Variants in ZFHX4 observed in about 807,000 individuals in gnomAD.
ZFHX4 encodes zinc finger homeobox protein 4.
Under a neutral mutation model 267.6 loss-of-function variants are expected in ZFHX4, and 56 were observed. That is an observed-to-expected ratio of 0.21 (90% CI 0.17 to 0.26). The LOEUF (loss-of-function observed/expected upper bound fraction) is 0.26, where lower values mean the gene tolerates loss of function less well. ZFHX4 is among the 10% of genes least tolerant of loss of function. The pLI, the probability that ZFHX4 is intolerant of heterozygous loss-of-function variation, is 1.00. For missense variants in ZFHX4, 4,332 were observed against 4,420.0 expected (o/e 0.98, Z 0.56); for synonymous variants, 1,778 against 1,665.6 (o/e 1.07, Z -1.64).
intron 3 of ZFHX4, among the ~76,000 whole-genome samples, chr8:76,718,899 A>C (rs1241248063): frequency 6.6e-6 from 1 of 151,062 alleles, no homozygotes; most frequent in Non-Finnish European, 1.5e-5. Flanking sequence ...ATGTGTTGGC[A>C]AATCATTGAT....
chr8:76,761,541 A>T (rs1276855892), intron 3 of ZFHX4, among the ~76,000 whole-genome samples: 1 of 152,144 alleles, frequency 6.6e-6, no homozygotes, highest in Non-Finnish European at 1.5e-5. Flanking sequence ...ATATTGATTT[A>T]TATACATTCT....
At chr8:76,716,434 T>C (rs1563480770) in intron 3 of ZFHX4, among the ~76,000 whole-genome samples, 1 of 152,204 alleles carries the variant, frequency 6.6e-6, no homozygotes, top group Non-Finnish European at 1.5e-5. Flanking sequence ...TATTATACTC[T>C]GACATATGAG....
chr8:76,736,968 A>G (rs1404881226), intron 3 of ZFHX4, among the ~76,000 whole-genome samples: 2 of 152,164 alleles, frequency 1.3e-5, no homozygotes, highest in African/African-American at 4.8e-5. Flanking sequence ...CACTACAAAC[A>G]TGAGCATTTA....
chr8:76,724,882 T>G (rs1808812671), intron 3 of ZFHX4, among the ~76,000 whole-genome samples: 1 of 152,072 alleles, frequency 6.6e-6, no homozygotes, highest in Non-Finnish European at 1.5e-5. Flanking sequence ...ATTCTTCAGT[T>G]TTTCATTTCC....
At chr8:76,686,225 T>A (rs1435966938) in intron 1 of ZFHX4, among the ~76,000 whole-genome samples, 1 of 152,288 alleles carries the variant, frequency 6.6e-6, no homozygotes, top group East Asian at 1.9e-4. Context: ...CTTAATTTAG[T>A]CTGTTAAAAG....
chr8:76,694,088 C>T (rs1807892826), intron 1 of ZFHX4, among the ~76,000 whole-genome samples: 1 of 152,160 alleles, frequency 6.6e-6, no homozygotes, highest in Non-Finnish European at 1.5e-5. Context: ...TTGGCTGTGG[C>T]TCCTCAGATG....
intron 3 of ZFHX4, 69 bp from the exon 4 acceptor site, chr8:76,778,139 G>A: frequency 1.0e-6 from 1 of 980,852 alleles, no homozygotes; most frequent in Non-Finnish European, 1.6e-6. Context: ...GCCATGGGTG[G>A]GTGTCACCTG....
At chr8:76,690,155 T>A (rs112761969) in intron 1 of ZFHX4, among the ~76,000 whole-genome samples, 1 of 152,162 alleles carries the variant, frequency 6.6e-6, no homozygotes, top group East Asian at 1.9e-4. Context: ...AAAGACAACA[T>A]TTATAGGTTT....
rs1250024172 is a variant in ZFHX4, at chr8:76,850,292, A to C, written c.3894A>C (p.Ala1298=). Residue 1298 remains alanine (A), a synonymous_variant, in exon 9 of 11, where the codon GCA becomes GCC. Coordinates refer to ENST00000651372, the MANE Select transcript of ZFHX4 (RefSeq NM_024721.5). ...VMMPNSMLLP[A]AASEKSERDT... Reference sequence around the variant, plus strand: ...TGCCAAACAGTATGCTACTGCCAGCAGCTGCCTCTGAGAAATCAGAGCGGG... The same window carrying C: ...TGCCAAACAGTATGCTACTGCCAGCCGCTGCCTCTGAGAAATCAGAGCGGG... 1.2e-6 allele frequency: 2 copies of C among 1,613,276 alleles called. No individual in the cohort carries two copies. Among genetic ancestry groups the C allele is most frequent in the African/African-American group, 2.7e-5 (2 of 74,902 alleles).
rs371328827 is a variant in ZFHX4 at position 76,852,852 on chromosome 8, G to A, written c.5931G>A (p.Ala1977=). 16 of 1,613,550 alleles carry A rather than the reference G, an allele frequency of 9.9e-6. No homozygotes were observed. The highest frequency in any genetic ancestry group is 2.2e-5 in the East Asian group (1 of 44,856). ...HVHGQFFPYA[A]LEKFARQYRE... ...ATGGGCAATTTTTTCCATATGCAGCGCTAGAAAAATTTGCTCGTCAATACA... is the reference window on the plus strand; with the variant it reads ...ATGGGCAATTTTTTCCATATGCAGCACTAGAAAAATTTGCTCGTCAATACA... The change falls in exon 10 of 11, where the codon GCG becomes GCA. Residue 1977 remains alanine (A), a synonymous_variant. Transcript: ENST00000651372.
intron 4 of ZFHX4, among the ~76,000 whole-genome samples, chr8:76,809,464 G>T (rs1018209210): frequency 6.6e-6 from 1 of 152,110 alleles, no homozygotes; most frequent in Non-Finnish European, 1.5e-5. Context: ...AATACAAATT[G>T]TATTACATGA....
intron 3 of ZFHX4, among the ~76,000 whole-genome samples, chr8:76,768,123 G>A (rs1810100045): frequency 6.6e-6 from 1 of 152,084 alleles, no homozygotes; most frequent in African/African-American, 2.4e-5. Context: ...GGTAGAAAGA[G>A]GGAAGATTGT....
rs1456606764 is a variant in ZFHX4, at chr8:76,853,984, G to A, written c.7063G>A (p.Ala2355Thr). ...AAGCCAAACAGAAGACTCCATGGAT[G>A]CCACTGATCAAGTGGTATACAAGCA... ...DESQTEDSMD[A>T]TDQVVYKHCT... Residue 2355 changes from alanine to threonine, a missense_variant, in exon 10 of 11, where the codon GCC becomes ACC. This residue lies in a region of ZFHX4 where 1,648 missense variants were observed against 1,625.0 expected (regional missense o/e 1.01). Coordinates refer to ENST00000651372, the MANE Select transcript of ZFHX4 (RefSeq NM_024721.5). The A allele has an allele frequency of 6.2e-7, 1 of 1,613,862 alleles. No homozygotes were observed. The highest frequency in any genetic ancestry group is 1.1e-5 in the South Asian group (1 of 91,064).
At chr8:76,859,418 G>A (rs943906937) in intron 10 of ZFHX4, among the ~76,000 whole-genome samples, 3 of 152,014 alleles carry the variant, frequency 2.0e-5, no homozygotes, top group Admixed American at 1.3e-4. Flanking sequence ...AGGGAAAATG[G>A]CCATAGAATA....
In ZFHX4 at chr8:76,840,503, C is replaced by T. The variant is rs184601978; in HGVS notation, c.3395-2152C>T. On this transcript the variant is annotated intron_variant, in intron 5 of 10. Transcript: ENST00000651372. ...CCAGAAAATGAAGAAGAGGACCCTG[C>T]AAAATCTCTCTGATGAGACCCAGAT... is the stretch of plus-strand genomic sequence containing the variant. Among the ~76,000 whole-genome samples, 11 of 152,310 alleles carry T rather than the reference C, an allele frequency of 7.2e-5. No homozygotes were observed. In the East Asian group the frequency reaches 2.1e-3, roughly 29 times the overall value.
chr8:76,790,447 AG>A (rs1810804514), intron 4 of ZFHX4, among the ~76,000 whole-genome samples: 2 of 152,144 alleles, frequency 1.3e-5, no homozygotes, highest in Non-Finnish European at 2.9e-5. Flanking sequence ...TATTACTAAA[AG>A]TGCTATTATT....
chr8:76,854,701 G>C lies in ZFHX4; in HGVS notation c.7780G>C (p.Glu2594Gln). Residue 2594 changes from glutamate (E) to glutamine (Q), a missense_variant, in exon 10 of 11, where the codon GAA becomes CAA. This residue lies in a region of ZFHX4 where 1,648 missense variants were observed against 1,625.0 expected (regional missense o/e 1.01). Coordinates refer to ENST00000651372, the MANE Select transcript of ZFHX4 (RefSeq NM_024721.5). ...DKEDNNCSEKEGGNSGEDQHR... is the reference protein window; with the variant it reads ...DKEDNNCSEKQGGNSGEDQHR... Reference sequence around the variant, plus strand: ...AGAAGATAATAATTGCAGTGAAAAAGAAGGAGGGAATAGCGGTGAAGACCA... The same window carrying C: ...AGAAGATAATAATTGCAGTGAAAAACAAGGAGGGAATAGCGGTGAAGACCA... 1 of 1,613,736 alleles carries C rather than the reference G, an allele frequency of 6.2e-7. No individual in the cohort carries two copies. Among genetic ancestry groups the C allele is most frequent in the Non-Finnish European group, 8.5e-7 (1 of 1,179,826 alleles).
chr8:76,800,406 A>G (rs1439715228), intron 4 of ZFHX4, among the ~76,000 whole-genome samples: 2 of 152,148 alleles, frequency 1.3e-5, no homozygotes, highest in African/African-American at 4.8e-5. Context: ...AGGATTTATT[A>G]CCTCAGGAGC....
In ZFHX4 at chr8:76,852,081, T is replaced by C. The variant is rs564184516; in HGVS notation, c.5160T>C (p.Pro1720=). 2 of 1,613,950 alleles carry C rather than the reference T, an allele frequency of 1.2e-6. No homozygotes were observed. The highest frequency in any genetic ancestry group is 1.3e-5 in the African/African-American group (1 of 75,034). The change falls in exon 10 of 11, where the codon CCT becomes CCC. Residue 1720 remains proline, a synonymous_variant. Coordinates refer to ENST00000651372, the MANE Select transcript of ZFHX4 (RefSeq NM_024721.5). The part of the protein sequence containing the change: ...QPQFLNPAFL[P]HFPMTPEALL... ...AGTTTCTAAACCCAGCCTTTTTGCCTCATTTTCCTATGACCCCAGAAGCAC... is the reference window on the plus strand; with the variant it reads ...AGTTTCTAAACCCAGCCTTTTTGCCCCATTTTCCTATGACCCCAGAAGCAC...
Sources: gnomAD v4.1 joint callset for allele counts (sites outside exome capture counted in the v4.1 genomes callset) on GRCh38, gnomAD v4.1.1 for gene constraint, gnomAD v4.1.1 regional missense constraint, MANE v1.5 for transcripts, NCBI Gene and HGNC (gene_info 2026-07-23, HGNC 2026-07-21) for gene names.